KY: variants seen among roughly 807,000 people sequenced by gnomAD.
KY encodes the protein kyphoscoliosis peptidase.
KY carries 43 observed loss-of-function variants against 76.1 expected under a neutral mutation model. That is an observed-to-expected ratio of 0.57 (90% CI 0.44 to 0.73). The LOEUF is 0.73. Ranked by LOEUF, KY falls within the 30% of genes least tolerant of loss-of-function variation. KY has a pLI of 0.00. For missense variants in KY, 722 were observed against 828.9 expected, an observed-to-expected ratio of 0.87 and a Z score of 1.58; for synonymous variants, 277 against 326.2, an observed-to-expected ratio of 0.85 and a Z score of 1.63.
rs750135780 is a variant in KY, at chr3:134,630,464, T to C, written c.263-769A>G. Among the ~76,000 whole-genome samples the C allele has an allele frequency of 1.4e-4, 22 of 152,230 alleles. 1 individual carries two copies. The highest frequency in any genetic ancestry group is 2.4e-4 in the Non-Finnish European group (16 of 68,050). On this transcript the variant is annotated intron_variant, in intron 3 of 10. Coordinates refer to ENST00000423778, the MANE Select transcript of KY (RefSeq NM_178554.6). The stretch of plus-strand genomic sequence containing the variant: ...GGCAGACACAGTTGTGGGGCCTATA[T>C]GGCAGAGTGAGGAAACTGAAGCTCC...
At chr3:134,607,354 C>T in intron 10 of KY, 3 of 985,518 alleles carry the variant, frequency 3.0e-6, no homozygotes, top group Non-Finnish European at 3.6e-6. Context: ...CTTGGGGACA[C>T]CTGTGCTCCC....
At chr3:134,616,756 G>A (rs1428250555) in intron 8 of KY, among the ~76,000 whole-genome samples, 1 of 152,208 alleles carries the variant, frequency 6.6e-6, no homozygotes, top group Non-Finnish European at 1.5e-5. Flanking sequence ...TCAATTTTCT[G>A]AATCTATGTA....
chr3:134,607,491 G>C, intron 10 of KY: 1 of 985,654 alleles, frequency 1.0e-6, no homozygotes, highest in Non-Finnish European at 1.2e-6. Context: ...AGGCCCCAGT[G>C]GCAGAGACGG....
intron 9 of KY, among the ~76,000 whole-genome samples, chr3:134,609,512 G>A (rs144102371): frequency 1.3e-5 from 2 of 152,282 alleles, no homozygotes; most frequent in East Asian, 1.9e-4. Flanking sequence ...TGCAAAAATC[G>A]AGAGAGCACA....
At chr3:134,647,712 AG>A (rs1966600137) in intron 1 of KY, among the ~76,000 whole-genome samples, 1 of 152,250 alleles carries the variant, frequency 6.6e-6, no homozygotes, top group African/African-American at 2.4e-5. Context: ...CAAGGGCAGC[AG>A]GGTTGGTTAT....
chr3:134,635,493 T>TAAAAAA (rs10647203), intron 3 of KY, among the ~76,000 whole-genome samples: 8 of 79,314 alleles, frequency 1.0e-4, no homozygotes, highest in East Asian at 8.5e-4. Flanking sequence ...CGAGACTCTG[T>TAAAAAA]AAAAAAAAAA....
In KY at chr3:134,629,659, G is replaced by C; in HGVS notation, c.299C>G (p.Ala100Gly). ...GAACTTCTTGAGCAGCTGGGGCATG[G>C]CATCTCGAGGGTGGACTTCCACAGT... ...QLTVEVHPRD[A>G]MPQLLKKFSL... The change falls in exon 4 of 11, where the codon GCC (alanine) becomes GGC (glycine). Residue 100 changes from alanine to glycine, a missense_variant. Around this residue, in one of 2 missense-constraint regions of KY, gnomAD observed 170 missense variants for 148.1 expected, o/e 1.15. Coordinates refer to ENST00000423778, the MANE Select transcript of KY (RefSeq NM_178554.6). 6.2e-7 allele frequency: 1 copy of C among 1,600,346 alleles called. No individual in the cohort carries two copies. The highest frequency in any genetic ancestry group is 8.5e-7 in the Non-Finnish European group (1 of 1,173,240).
At chr3:134,626,050 C>A (rs1290054686) in intron 5 of KY, among the ~76,000 whole-genome samples, 2 of 152,218 alleles carry the variant, frequency 1.3e-5, no homozygotes, top group Non-Finnish European at 2.9e-5. Flanking sequence ...CCTGTCCCGG[C>A]CCAGAAGAGA....
intron 3 of KY, among the ~76,000 whole-genome samples, chr3:134,636,754 CAT>C (rs1278180967): frequency 1.3e-5 from 2 of 152,232 alleles, no homozygotes; most frequent in South Asian, 4.1e-4. Flanking sequence ...AAATAGATCA[CAT>C]ATTCACTCAC....
Position 134,620,896 on chromosome 3 carries a change from G to A in KY, c.484-39C>T, listed in dbSNP as rs374014956. The A allele has an allele frequency of 2.8e-3, 3,596 of 1,301,912 alleles. 99 individuals carry two copies. In the South Asian group the frequency reaches 0.041, roughly 15 times the overall value. 80.6% of individuals were successfully genotyped at this position (1,301,912 alleles called of 1,614,324 possible). A position where few individuals can be genotyped will look rare whatever the true frequency, so the allele number is the denominator to read the frequency against. The stretch of plus-strand genomic sequence containing the variant: ...AGGGTGTGCTGTATTAGGGCCTCGA[G>A]GAGGGGCTGTTGGGGGCCCAGCATC... On this transcript the variant is annotated intron_variant, in intron 6 of 10. Transcript: ENST00000423778.
intron 6 of KY, among the ~76,000 whole-genome samples, chr3:134,621,517 C>G (rs1396174890): frequency 6.6e-6 from 1 of 152,106 alleles, no homozygotes; most frequent in Non-Finnish European, 1.5e-5. Flanking sequence ...TTTCCACATG[C>G]AAAAGAATAA....
intron 1 of KY, among the ~76,000 whole-genome samples, chr3:134,648,717 C>G (rs923640448): frequency 6.6e-6 from 1 of 152,090 alleles, no homozygotes; most frequent in Non-Finnish European, 1.5e-5. Flanking sequence ...TCTTTTCTTC[C>G]AGCAGAAGGG....
intron 10 of KY, among the ~76,000 whole-genome samples, chr3:134,605,637 C>T (rs1250903382): frequency 1.3e-5 from 2 of 152,102 alleles, no homozygotes; most frequent in African/African-American, 2.4e-5. Flanking sequence ...CACATACTGC[C>T]CACTCCGCAC....
At chr3:134,627,132 A>G (rs1189665570) in intron 5 of KY, among the ~76,000 whole-genome samples, 4 of 152,256 alleles carry the variant, frequency 2.6e-5, no homozygotes, top group Admixed American at 6.5e-5. Context: ...AAAAATGCCC[A>G]TGATTTATGC....
At chr3:134,617,930 C>T (rs1419284715) in intron 8 of KY, among the ~76,000 whole-genome samples, 2 of 152,214 alleles carry the variant, frequency 1.3e-5, no homozygotes, top group East Asian at 3.9e-4. Flanking sequence ...ACCAGGGAAG[C>T]CTGGACAGAG....
At chr3:134,616,067 G>C (rs1242463824) in intron 8 of KY, among the ~76,000 whole-genome samples, 8 of 152,238 alleles carry the variant, frequency 5.3e-5, no homozygotes, top group African/African-American at 1.7e-4. Context: ...GCCGACTCAA[G>C]AGCAGCAGTC....
In KY at chr3:134,604,061, G is replaced by A. The variant is rs1416349511; in HGVS notation, c.1504C>T (p.Pro502Ser). 9.3e-6 allele frequency: 15 copies of A among 1,613,812 alleles called. 1 individual carries two copies. The South Asian group carries it at 1.6e-4, about 18-fold the overall frequency. ...VLASLHGDDG[P>S]ITEETQRRYI... The stretch of plus-strand genomic sequence containing the variant: ...CGCCGCTGTGTCTCCTCAGTGATGG[G>A]GCCATCATCCCCGTGGAGGGAAGCC... The change falls in exon 11 of 11, where the codon CCC (proline) becomes TCC (serine). Residue 502 changes from proline to serine, a missense_variant. Physicochemically the swap from Pro to Ser is moderately conservative, Grantham distance 74. This residue lies in a region of KY where 552 missense variants were observed against 680.9 expected (regional missense o/e 0.81). Transcript: ENST00000423778.
intron 3 of KY, chr3:134,641,198 C>T (rs896510372): frequency 1.3e-5 from 2 of 152,258 alleles, no homozygotes; most frequent in African/African-American, 4.8e-5. Context: ...AGGCCTTTCT[C>T]ACCTACTCCA....
chr3:134,643,303 G>A lies in KY; in HGVS notation c.262+13C>T, dbSNP rs1462647293. 5 of 1,613,356 alleles carry A rather than the reference G, an allele frequency of 3.1e-6. No homozygotes were observed. On this transcript the variant is annotated intron_variant, in intron 3 of 10. Coordinates refer to ENST00000423778, the MANE Select transcript of KY (RefSeq NM_178554.6). ...TCTGCAGGGGAGGTCACGGCTAGCG[G>A]CGAATCACTTACCTTGGCTGTTGTA...
Sources: gnomAD v4.1 joint callset for allele counts (sites outside exome capture counted in the v4.1 genomes callset) on GRCh38, gnomAD v4.1.1 for gene constraint, gnomAD v4.1.1 regional missense constraint, MANE v1.5 for transcripts, NCBI Gene and HGNC (gene_info 2026-07-23, HGNC 2026-07-21) for gene names.